KCNIP4: variants seen among roughly 807,000 people sequenced by gnomAD.
KCNIP4 encodes the protein Kv channel-interacting protein 4.
In KCNIP4, 12 loss-of-function variants were observed where a neutral mutation model predicts 34.0. The observed-to-expected ratio is 0.35, with a 90% CI of 0.23 to 0.57. The LOEUF (loss-of-function observed/expected upper bound fraction) is 0.57. Among genes scored for constraint, KCNIP4 ranks in the 20% least tolerant of loss-of-function variants. KCNIP4 has a pLI of 0.83. For missense variants in KCNIP4, 238 were observed against 311.7 expected, an observed-to-expected ratio of 0.76 and a Z score of 1.78; for synonymous variants, 124 against 102.2, an observed-to-expected ratio of 1.21 and a Z score of -1.29.
chr4:21,852,376 T>C (rs958066270), intron 1 of KCNIP4: 3 of 152,276 alleles, frequency 2.0e-5, no homozygotes, highest in East Asian at 3.9e-4. Context: ...AGGGAAAGGG[T>C]GGTTCAGCTA....
intron 1 of KCNIP4, among the ~76,000 whole-genome samples, chr4:20,924,978 C>G (rs1022853166): frequency 6.6e-6 from 1 of 152,024 alleles, no homozygotes; most frequent in African/African-American, 2.4e-5. Context: ...CCTACTCTGC[C>G]TTAAAATATG....
Position 20,729,353 on chromosome 4 carries a change from T to TAAGA in KCNIP4, c.*725_*728dup, listed in dbSNP as rs900083012. ...GATTGATACAATAGAAAACAGCCTG[T>TAAGA]AAGAAAGATTGAACAAATCCAAAAT... On this transcript the variant is annotated 3_prime_UTR_variant, in exon 9 of 9. Coordinates refer to ENST00000382152, the MANE Select transcript of KCNIP4 (RefSeq NM_025221.6). 7 of 151,870 alleles carry TAAGA rather than the reference T, an allele frequency of 4.6e-5. No homozygotes were observed. The highest frequency in any genetic ancestry group is 2.3e-4 in the South Asian group (1 of 4,390). The allele number at this position is 151,870 out of a possible 1,614,324, so 9.4% of individuals were successfully genotyped here.
intron 1 of KCNIP4, among the ~76,000 whole-genome samples, chr4:21,337,345 T>G (rs1184695505): frequency 2.0e-5 from 3 of 152,202 alleles, no homozygotes; most frequent in Admixed American, 6.5e-5. Flanking sequence ...TTTAAAATGA[T>G]GCCATGAAAC....
At chr4:20,917,414 T>G (rs188436965) in intron 1 of KCNIP4, among the ~76,000 whole-genome samples, 147 of 152,206 alleles carry the variant, frequency 9.7e-4, no homozygotes, top group Middle Eastern at 3.4e-3. Flanking sequence ...CTCTGTTTTA[T>G]GAAATGTCTG....
rs1730643815 is a variant in KCNIP4 at position 21,948,714 on chromosome 4, C to G, written c.-83G>C. 1.7e-5 allele frequency: 24 copies of G among 1,428,858 alleles called. No homozygotes were observed. The highest frequency in any genetic ancestry group is 2.1e-5 in the Non-Finnish European group (23 of 1,072,652). 88.5% of individuals were successfully genotyped at this position (1,428,858 alleles called of 1,614,324 possible). On this transcript the variant is annotated 5_prime_UTR_variant, in exon 1 of 9. Coordinates refer to ENST00000382152, the MANE Select transcript of KCNIP4 (RefSeq NM_025221.6). ...GTCCACGGGTCTGCACGGGAGCGCACCGCCGCTCGGCCCGGGGGCGTCCGT... is the reference window on the plus strand; with the variant it reads ...GTCCACGGGTCTGCACGGGAGCGCAGCGCCGCTCGGCCCGGGGGCGTCCGT...
At chr4:21,182,222 G>T (rs1754891502) in intron 1 of KCNIP4, among the ~76,000 whole-genome samples, 1 of 152,094 alleles carries the variant, frequency 6.6e-6, no homozygotes, top group Admixed American at 6.6e-5. Flanking sequence ...CAATAGTGAA[G>T]CTATGAATTG....
chr4:20,845,435 T>C (rs965976014), intron 3 of KCNIP4, among the ~76,000 whole-genome samples: 1 of 152,084 alleles, frequency 6.6e-6, no homozygotes, highest in Non-Finnish European at 1.5e-5. Context: ...CCACAATAAA[T>C]GGCCCCTAAC....
chr4:20,968,635 G>A (rs1486310551), intron 1 of KCNIP4, among the ~76,000 whole-genome samples: 22 of 152,184 alleles, frequency 1.4e-4, no homozygotes, highest in Middle Eastern at 6.8e-3. Context: ...CAGGGACATG[G>A]ATGAAGCTGG....
intron 1 of KCNIP4, among the ~76,000 whole-genome samples, chr4:21,113,729 A>T (rs1228986523): frequency 6.6e-6 from 1 of 152,210 alleles, no homozygotes; most frequent in East Asian, 1.9e-4. Flanking sequence ...ACAATGTGGA[A>T]TATTTGAACA....
intron 1 of KCNIP4, among the ~76,000 whole-genome samples, chr4:21,022,950 G>T (rs1296220574): frequency 6.6e-6 from 1 of 151,998 alleles, no homozygotes; most frequent in Non-Finnish European, 1.5e-5. Flanking sequence ...AGCCTCCTGA[G>T]TACCTGGGAT....
At chr4:20,975,584 G>C (rs1194453854) in intron 1 of KCNIP4, among the ~76,000 whole-genome samples, 1 of 152,152 alleles carries the variant, frequency 6.6e-6, no homozygotes, top group African/African-American at 2.4e-5. Context: ...CAAATCACTT[G>C]ACAGTTTGGC....
chr4:21,214,116 G>C (rs1757406322), intron 1 of KCNIP4, among the ~76,000 whole-genome samples: 1 of 152,174 alleles, frequency 6.6e-6, no homozygotes, highest in African/African-American at 2.4e-5. Flanking sequence ...AGAGAACATG[G>C]AAGCCATTTA....
At chr4:21,101,585 C>T (rs1323451996) in intron 1 of KCNIP4, among the ~76,000 whole-genome samples, 1 of 152,060 alleles carries the variant, frequency 6.6e-6, no homozygotes, top group African/African-American at 2.4e-5. Context: ...TGAGTGGTTG[C>T]ATAGTGGTGG....
chr4:21,684,686 T>C (rs184660259), intron 1 of KCNIP4, among the ~76,000 whole-genome samples: 2 of 152,328 alleles, frequency 1.3e-5, no homozygotes, highest in African/African-American at 4.8e-5. Context: ...ATTATTATTA[T>C]ACTTTAAGTT....
At chr4:20,904,824 T>C (rs1727554019) in intron 1 of KCNIP4, among the ~76,000 whole-genome samples, 1 of 152,178 alleles carries the variant, frequency 6.6e-6, no homozygotes, top group African/African-American at 2.4e-5. Context: ...GAGGTAACAA[T>C]TTTACTTGTG....
At chr4:21,623,605 T>G (rs1043543635) in intron 1 of KCNIP4, among the ~76,000 whole-genome samples, 1 of 152,196 alleles carries the variant, frequency 6.6e-6, no homozygotes, top group Non-Finnish European at 1.5e-5. Context: ...TGCCATCTAC[T>G]ACTCTCAAAG....
At chr4:21,384,183 C>T (rs55829160) in intron 1 of KCNIP4, among the ~76,000 whole-genome samples, 31,618 of 152,114 alleles carry the variant, frequency 0.21, 4,086 homozygotes, top group Non-Finnish European at 0.29. Flanking sequence ...CTTCCCTCCA[C>T]TCCTCTATGG....
chr4:21,712,348 T>C (rs1713796413), intron 1 of KCNIP4, among the ~76,000 whole-genome samples: 2 of 152,230 alleles, frequency 1.3e-5, no homozygotes, highest in African/African-American at 4.8e-5. Context: ...GGGTTCAGTC[T>C]ACTATTATCG....
chr4:21,086,998 T>G (rs1229662108), intron 1 of KCNIP4, among the ~76,000 whole-genome samples: 2 of 150,412 alleles, frequency 1.3e-5, no homozygotes, highest in African/African-American at 2.4e-5. Flanking sequence ...TCTTTTTTTT[T>G]TTTTTGAGTC....
Sources: gnomAD v4.1 joint callset for allele counts (sites outside exome capture counted in the v4.1 genomes callset) on GRCh38, gnomAD v4.1.1 for gene constraint, MANE v1.5 for transcripts, NCBI Gene and HGNC (gene_info 2026-07-23, HGNC 2026-07-21) for gene names.